The following UBAP1 variants were observed in gnomAD, a reference collection of about 807,000 sequenced individuals.
UBAP1 encodes the protein ubiquitin-associated protein 1.
A neutral mutation model predicts 39.0 loss-of-function variants in UBAP1; 5 were observed. That is an observed-to-expected ratio of 0.13 (90% CI 0.07 to 0.27). The LOEUF (loss-of-function observed/expected upper bound fraction) is 0.27. UBAP1 is among the 10% of genes least tolerant of loss of function. The pLI is 1.00. For missense variants in UBAP1, 490 were observed against 608.1 expected (o/e 0.81, Z 2.04); for synonymous variants, 211 against 225.1 (o/e 0.94, Z 0.56).
At chr9:34,210,881 C>G (rs1356532260) in intron 1 of UBAP1, among the ~76,000 whole-genome samples, 4 of 150,892 alleles carry the variant, frequency 2.7e-5, no homozygotes, top group Non-Finnish European at 5.9e-5. Flanking sequence ...ATTTGTCAAC[C>G]TTTGTGGAGC....
chr9:34,234,592 G>GC (rs1478372941), intron 3 of UBAP1, among the ~76,000 whole-genome samples: 2 of 151,796 alleles, frequency 1.3e-5, no homozygotes, highest in African/African-American at 4.8e-5. Flanking sequence ...ACCAGGCTGG[G>GC]CAACTTAATG....
intron 1 of UBAP1, among the ~76,000 whole-genome samples, chr9:34,211,669 C>G (rs1340966693): frequency 2.0e-5 from 3 of 151,964 alleles, no homozygotes; most frequent in African/African-American, 7.3e-5. Context: ...TTTATTATTA[C>G]TTTTTAAAAA....
chr9:34,184,280 TGG>T (rs1563882528), intron 1 of UBAP1, among the ~76,000 whole-genome samples: 1 of 151,972 alleles, frequency 6.6e-6, no homozygotes, highest in Non-Finnish European at 1.5e-5. Flanking sequence ...GTGCTGACAC[TGG>T]GTATGTACTA....
chr9:34,185,186 G>A lies in UBAP1; in HGVS notation c.-8+5946G>A, dbSNP rs187207177. Among the ~76,000 whole-genome samples the A allele has an allele frequency of 5.8e-3, 875 of 152,078 alleles. 4 individuals carry two copies. Among genetic ancestry groups the A allele is most frequent in the Middle Eastern group, 0.02 (6 of 294 alleles). Reference sequence around the variant, plus strand: ...GGACCTCAGGTGATCTGCCTGCCTCGGCCTCCCAAAGTGCTGGGATTACAG... The same window carrying A: ...GGACCTCAGGTGATCTGCCTGCCTCAGCCTCCCAAAGTGCTGGGATTACAG... On this transcript the variant is annotated intron_variant, in intron 1 of 6. Transcript: ENST00000297661.
intron 1 of UBAP1, among the ~76,000 whole-genome samples, chr9:34,194,865 T>A (rs576210818): frequency 1.3e-5 from 2 of 152,316 alleles, no homozygotes; most frequent in East Asian, 3.9e-4. Flanking sequence ...TTAGTAACAC[T>A]GCTTTGAATA....
At chr9:34,212,667 G>A (rs1183629389) in intron 1 of UBAP1, among the ~76,000 whole-genome samples, 1 of 151,916 alleles carries the variant, frequency 6.6e-6, no homozygotes, top group Admixed American at 6.6e-5. Flanking sequence ...AGGAGGAATT[G>A]GATACCCTGA....
chr9:34,203,750 C>G (rs536697070), intron 1 of UBAP1, among the ~76,000 whole-genome samples: 1 of 152,198 alleles, frequency 6.6e-6, no homozygotes, highest in East Asian at 1.9e-4. Context: ...AACCCCTTTT[C>G]TCTCCCCATA....
rs1182381426 is a variant in UBAP1 at position 34,182,727 on chromosome 9, CCTTT to C, written c.-8+3496_-8+3499del. On this transcript the variant is annotated intron_variant, in intron 1 of 6. Transcript: ENST00000297661. ...TTTCTTTCTCTCTCTTTCTCTCTCT[CCTTT>C]CTTTCTTTTCACTCAGTCGCCCAGG... Among the ~76,000 whole-genome samples, 5 of 142,640 alleles carry C rather than the reference CCTTT, an allele frequency of 3.5e-5. No homozygotes were observed. In the East Asian group the frequency reaches 6.2e-4, roughly 18 times the overall value. 93.6% of individuals were successfully genotyped at this position (142,640 alleles called of 152,430 possible).
At chr9:34,187,216 CTTG>C (rs1484988237) in intron 1 of UBAP1, among the ~76,000 whole-genome samples, 2 of 152,102 alleles carry the variant, frequency 1.3e-5, no homozygotes, top group South Asian at 2.1e-4. Flanking sequence ...CTGGTTTGTG[CTTG>C]TTGTATCAAA....
chr9:34,233,582 T>G lies in UBAP1; in HGVS notation c.35-634T>G, dbSNP rs1049253347. On this transcript the variant is annotated intron_variant, in intron 2 of 6. Coordinates refer to ENST00000297661, the MANE Select transcript of UBAP1 (RefSeq NM_016525.5). Reference sequence around the variant, plus strand: ...GGCAATACTGAAGGTTTTGAAAATATGTCATTGAATAAGATAGACTTAAAT... The same window carrying G: ...GGCAATACTGAAGGTTTTGAAAATAGGTCATTGAATAAGATAGACTTAAAT... 3.9e-5 allele frequency among the ~76,000 whole-genome samples: 6 copies of G among 152,336 alleles called. No individual in the cohort carries two copies. In the South Asian group the frequency reaches 1.2e-3, roughly 32 times the overall value.
intron 1 of UBAP1, among the ~76,000 whole-genome samples, chr9:34,208,559 T>G (rs1451458713): frequency 6.6e-6 from 1 of 151,266 alleles, no homozygotes; most frequent in African/African-American, 2.4e-5. Flanking sequence ...GGGCAGATCA[T>G]GAGGTCAGGA....
intron 5 of UBAP1, 44 bp downstream of exon 5, chr9:34,250,005 G>C: frequency 1.2e-6 from 2 of 1,601,854 alleles, no homozygotes; most frequent in Non-Finnish European, 1.7e-6. Context: ...GACCTGTGGA[G>C]CTGGAGTAGT....
chr9:34,204,704 G>GT (rs1554647890), intron 1 of UBAP1, among the ~76,000 whole-genome samples: 1 of 151,866 alleles, frequency 6.6e-6, no homozygotes, highest in Non-Finnish European at 1.5e-5. Flanking sequence ...AATTTCAGAG[G>GT]TTTTTACCCA....
At chr9:34,205,038 C>CT (rs1234770588) in intron 1 of UBAP1, among the ~76,000 whole-genome samples, 1 of 152,110 alleles carries the variant, frequency 6.6e-6, no homozygotes, top group Non-Finnish European at 1.5e-5. Flanking sequence ...AGTTCTCACT[C>CT]TGTTACCCAG....
chr9:34,183,568 A>C (rs923764304), intron 1 of UBAP1, among the ~76,000 whole-genome samples: 10 of 149,626 alleles, frequency 6.7e-5, no homozygotes, highest in African/African-American at 2.5e-4. Flanking sequence ...AAAAAAAAAA[A>C]CATTAAATAA....
intron 3 of UBAP1, 55 bp downstream of exon 3, chr9:34,234,395 A>C (rs1833576312): frequency 6.5e-7 from 1 of 1,535,388 alleles, no homozygotes; most frequent in Non-Finnish European, 8.7e-7. Context: ...AAAGAGTAAG[A>C]ATTTGATGTA....
intron 1 of UBAP1, among the ~76,000 whole-genome samples, chr9:34,212,728 A>C (rs1029141847): frequency 4.0e-4 from 6 of 14,988 alleles, no homozygotes; most frequent in Admixed American, 2.0e-3. Context: ...AAAATTACCA[A>C]CAAAAAAGTC....
At chr9:34,204,276 A>G (rs1831561298) in intron 1 of UBAP1, among the ~76,000 whole-genome samples, 1 of 152,242 alleles carries the variant, frequency 6.6e-6, no homozygotes, top group African/African-American at 2.4e-5. Context: ...ACGACAGAGC[A>G]AGACTCTGTC....
chr9:34,203,328 C>T (rs1239155905), intron 1 of UBAP1, among the ~76,000 whole-genome samples: 2 of 152,144 alleles, frequency 1.3e-5, no homozygotes, highest in East Asian at 3.8e-4. Flanking sequence ...CAAGGATCAA[C>T]AAAAATTAAA....
Sources: allele counts gnomAD v4.1 joint callset (sites outside exome capture counted in the v4.1 genomes callset), GRCh38; gene constraint gnomAD v4.1.1; transcripts MANE v1.5; gene names NCBI Gene and HGNC (gene_info 2026-07-23, HGNC 2026-07-21).